PPHLN1: variants seen among roughly 807,000 people sequenced by gnomAD.
The protein encoded by PPHLN1 is periphilin 1, also known as periphilin-1.
PPHLN1 carries 29 observed loss-of-function variants against 51.3 expected under a neutral mutation model. The observed-to-expected ratio is 0.57, with a 90% CI of 0.42 to 0.77. The LOEUF (loss-of-function observed/expected upper bound fraction) is 0.77. Ranked by LOEUF, PPHLN1 falls within the 30% of genes least tolerant of loss-of-function variation. PPHLN1 has a pLI of 0.00. For missense variants in PPHLN1, 436 were observed against 438.4 expected, an observed-to-expected ratio of 0.99 and a Z score of 0.05; for synonymous variants, 147 against 147.8, an observed-to-expected ratio of 0.99 and a Z score of 0.04.
chr12:42,369,782 A>G (rs1262403165), intron 4 of PPHLN1, among the ~76,000 whole-genome samples: 2 of 152,066 alleles, frequency 1.3e-5, no homozygotes, highest in Admixed American at 6.6e-5. Flanking sequence ...CTTCCTCCTC[A>G]TTACTTTCTC....
At chr12:42,331,370 A>G (rs2069706614) in intron 1 of PPHLN1, among the ~76,000 whole-genome samples, 1 of 152,232 alleles carries the variant, frequency 6.6e-6, no homozygotes, top group Non-Finnish European at 1.5e-5. Flanking sequence ...AAACAGATCC[A>G]TTATCTTGAC....
intron 5 of PPHLN1, among the ~76,000 whole-genome samples, chr12:42,377,155 G>A (rs1032246569): frequency 3.3e-5 from 5 of 150,976 alleles, no homozygotes. Context: ...TCTTTTATGT[G>A]TGGCCCAAGA....
chr12:42,418,941 A>G (rs913736818), intron 9 of PPHLN1, among the ~76,000 whole-genome samples: 2 of 152,186 alleles, frequency 1.3e-5, no homozygotes, highest in Non-Finnish European at 2.9e-5. Flanking sequence ...GCTTTATTAC[A>G]TTCTCTCATT....
At chr12:42,388,671 G>A (rs1041426917) in intron 7 of PPHLN1, among the ~76,000 whole-genome samples, 7 of 152,278 alleles carry the variant, frequency 4.6e-5, no homozygotes, top group Middle Eastern at 3.4e-3. Context: ...CCCACCTGAC[G>A]AGATATACCC....
chr12:42,355,379 T>C, intron 4 of PPHLN1, 157 bp downstream of exon 4: 3 of 600,030 alleles, frequency 5.0e-6, no homozygotes, highest in Admixed American at 2.9e-5. Flanking sequence ...GACTATGTAG[T>C]ATAATAGCAC....
chr12:42,361,848 G>A lies in PPHLN1; in HGVS notation c.299+6626G>A, dbSNP rs1265557420. 5 of 152,052 alleles carry A rather than the reference G, an allele frequency of 3.3e-5. No individual in the cohort carries two copies. In the East Asian group the frequency reaches 5.8e-4, roughly 18 times the overall value. 9.4% of individuals were successfully genotyped at this position (152,052 alleles called of 1,614,324 possible). On this transcript the variant is annotated intron_variant, in intron 4 of 9. Transcript: ENST00000358314. The stretch of plus-strand genomic sequence containing the variant: ...AATGCTACAGTGAACATTGGCCTAC[G>A]AATACCTCTTTTGAGTCCGTGTTTT...
At chr12:42,401,549 C>T (rs192463515) in intron 9 of PPHLN1, among the ~76,000 whole-genome samples, 174 of 152,072 alleles carry the variant, frequency 1.1e-3, no homozygotes, top group African/African-American at 4.1e-3. Context: ...GCATTACCTC[C>T]TCAGCTCTAC....
Position 42,393,805 on chromosome 12 carries a change from C to T in PPHLN1, c.768+116C>T, listed in dbSNP as rs867805558. The T allele has an allele frequency of 1.5e-5, 16 of 1,032,886 alleles. No homozygotes were observed. In the South Asian group the frequency reaches 3.2e-4, roughly 21 times the overall value. 64.0% of individuals were successfully genotyped at this position (1,032,886 alleles called of 1,614,324 possible). A position where few individuals can be genotyped will look rare whatever the true frequency, so the allele number is the denominator to read the frequency against. ...CTTCAAAATATATCCTTATGGATTA[C>T]AGGTATTAAAATTACCACACAGAAT... On this transcript the variant is annotated intron_variant, in intron 8 of 9. Coordinates refer to ENST00000358314, the MANE Select transcript of PPHLN1 (RefSeq NM_201439.2).
intron 9 of PPHLN1, among the ~76,000 whole-genome samples, chr12:42,406,606 C>G (rs2079336768): frequency 6.6e-6 from 1 of 151,918 alleles, no homozygotes. Flanking sequence ...AAATTCTTGT[C>G]CATTTTTCTA....
chr12:42,445,340 A>G (rs2083253226), downstream of PPHLN1: 5 of 539,434 alleles, frequency 9.3e-6, no homozygotes, highest in South Asian at 2.1e-5. Flanking sequence ...TTATCCTGCA[A>G]TGCCCAGATT....
intron 9 of PPHLN1, among the ~76,000 whole-genome samples, chr12:42,407,237 G>A (rs1281216714): frequency 1.3e-5 from 2 of 152,198 alleles, no homozygotes; most frequent in Non-Finnish European, 2.9e-5. Context: ...AACAAAGCCT[G>A]TTGAGATCCT....
At chr12:42,360,110 C>CGAAAAAAAAAAAAAAAAAAAAAAAAAA (rs2074459768) in intron 4 of PPHLN1, among the ~76,000 whole-genome samples, 1 of 123,126 alleles carries the variant, frequency 8.1e-6, no homozygotes, top group African/African-American at 3.3e-5. Context: ...GACTCCATCT[C>CGAAAAAAAAAAAAAAAAAAAAAAAAAA]AAAAAAAAAA....
chr12:42,440,077 A>G (rs1266039066), intron 9 of PPHLN1, among the ~76,000 whole-genome samples: 1 of 149,660 alleles, frequency 6.7e-6, no homozygotes, highest in Non-Finnish European at 1.5e-5. Context: ...TCTTATTTAT[A>G]TGTTACTTAT....
At chr12:42,369,869 C>T (rs2075631801) in intron 4 of PPHLN1, among the ~76,000 whole-genome samples, 1 of 152,206 alleles carries the variant, frequency 6.6e-6, no homozygotes, top group Non-Finnish European at 1.5e-5. Context: ...TGATGAATTT[C>T]CAGGAGACCA....
intron 9 of PPHLN1, among the ~76,000 whole-genome samples, chr12:42,422,137 A>G (rs1371611135): frequency 6.6e-6 from 1 of 152,224 alleles, no homozygotes; most frequent in Non-Finnish European, 1.5e-5. Context: ...TAAAAATACT[A>G]CAATAATTTA....
chr12:42,433,908 A>G (rs988558742), intron 9 of PPHLN1, among the ~76,000 whole-genome samples: 7 of 152,194 alleles, frequency 4.6e-5, no homozygotes, highest in African/African-American at 1.7e-4. Context: ...TGTATCCCAT[A>G]ACATGTTGTA....
At chr12:42,434,087 A>T (rs141265772) in intron 9 of PPHLN1, among the ~76,000 whole-genome samples, 2 of 152,272 alleles carry the variant, frequency 1.3e-5, no homozygotes, top group East Asian at 3.9e-4. Flanking sequence ...TGCCCTACAT[A>T]TCTCTTCTAT....
intron 5 of PPHLN1, 126 bp downstream of exon 5, chr12:42,375,200 T>C: frequency 1.3e-6 from 1 of 770,314 alleles, no homozygotes; most frequent in Non-Finnish European, 2.0e-6. Flanking sequence ...AATTTCAAAC[T>C]TACAGAAAAG....
intron 9 of PPHLN1, among the ~76,000 whole-genome samples, chr12:42,434,785 C>A (rs1426746330): frequency 6.6e-6 from 1 of 152,220 alleles, no homozygotes; most frequent in Non-Finnish European, 1.5e-5. Flanking sequence ...CCTTGGTCTC[C>A]CGGGTTGAAG....
Sources: allele counts gnomAD v4.1 joint callset (sites outside exome capture counted in the v4.1 genomes callset), GRCh38; gene constraint gnomAD v4.1.1; transcripts MANE v1.5; gene names NCBI Gene and HGNC (gene_info 2026-07-23, HGNC 2026-07-21).